Variants in UBA3 observed in about 807,000 individuals in gnomAD.
UBA3 encodes the protein ubiquitin like modifier activating enzyme 3.
A neutral mutation model predicts 73.5 loss-of-function variants in UBA3; 26 were observed. That is an observed-to-expected ratio of 0.35 (90% confidence interval 0.26 to 0.49). The LOEUF is 0.49. Among genes scored for constraint, UBA3 ranks in the 20% least tolerant of loss-of-function variants. The pLI, the probability that UBA3 is intolerant of heterozygous loss-of-function variation, is 0.98. For synonymous variants in UBA3, 217 were observed against 191.2 expected, an observed-to-expected ratio of 1.13 and a Z score of -1.11; for missense variants, 495 against 555.6, an observed-to-expected ratio of 0.89 and a Z score of 1.10.
chr3:69,073,306 G>T (rs938489007), intron 4 of UBA3, among the ~76,000 whole-genome samples: 3 of 152,188 alleles, frequency 2.0e-5, no homozygotes, highest in African/African-American at 2.4e-5. Flanking sequence ...CTCTAGCGAT[G>T]ATAGCCTCCT....
rs71618260 is a variant in UBA3, at chr3:69,066,443, T to TG, written c.428+1484dup. On this transcript the variant is annotated intron_variant, in intron 6 of 17. Coordinates refer to ENST00000361055, the MANE Select transcript of UBA3 (RefSeq NM_003968.4). Reference sequence around the variant, plus strand: ...AGTTCTATCGTTTTATGGTTTTTTGTGTTTTTTTTTGTTTTTTTGAGATGG... The same window carrying TG: ...AGTTCTATCGTTTTATGGTTTTTTGTGGTTTTTTTTTGTTTTTTTGAGATGG... 4.1e-3 allele frequency among the ~76,000 whole-genome samples: 509 copies of TG among 123,132 alleles called. 4 individuals carry two copies. The highest frequency in any genetic ancestry group is 0.016 in the Middle Eastern group (4 of 256). The allele number at this position is 123,132 out of a possible 152,430, so 80.8% of individuals were successfully genotyped here.
chr3:69,064,227 T>G (rs1369350371), intron 6 of UBA3, 116 bp from the exon 7 acceptor site: 1 of 798,306 alleles, frequency 1.3e-6, no homozygotes, highest in Non-Finnish European at 1.9e-6. Flanking sequence ...TAATCAATGT[T>G]CACATCAGTG....
chr3:69,075,584 A>C, intron 3 of UBA3, 74 bp from the exon 4 acceptor site: 1 of 861,668 alleles, frequency 1.2e-6, no homozygotes, highest in Non-Finnish European at 1.6e-6. Flanking sequence ...ACAAACTTTA[A>C]AATAGTTTCT....
At chr3:69,074,269 T>A (rs2092146076) in intron 4 of UBA3, among the ~76,000 whole-genome samples, 1 of 152,180 alleles carries the variant, frequency 6.6e-6, no homozygotes, top group Non-Finnish European at 1.5e-5. Flanking sequence ...CTTCTCTAAG[T>A]CTTTGGTTCT....
intron 5 of UBA3, among the ~76,000 whole-genome samples, chr3:69,069,020 T>G (rs763001999): frequency 2.6e-5 from 4 of 152,218 alleles, no homozygotes; most frequent in Non-Finnish European, 4.4e-5. Flanking sequence ...ATGAATTTCC[T>G]CCTCTAAGTT....
chr3:69,074,283 A>G (rs1046415321), intron 4 of UBA3, among the ~76,000 whole-genome samples: 3 of 152,148 alleles, frequency 2.0e-5, no homozygotes, highest in Non-Finnish European at 4.4e-5. Context: ...TGGTTCTCAC[A>G]CTGCTAGAGT....
chr3:69,075,460 G>T lies in UBA3; in HGVS notation c.234C>A (p.Gly78=), dbSNP rs144285335. 1.3e-6 allele frequency: 2 copies of T among 1,562,116 alleles called. No homozygotes were observed. The highest frequency in any genetic ancestry group is 1.7e-6 in the Non-Finnish European group (2 of 1,156,320). ...TTTTCAGGAGCTCACATCCTAAGCC[G>T]CCAGCTCCAATGACTAGAACTTTAC... ...DTCKVLVIGA[G]GLGCELLKNL... The change falls in exon 4 of 18, where the codon GGC becomes GGA. Residue 78 remains glycine, a synonymous_variant. Transcript: ENST00000361055.
chr3:69,059,493 T>G (rs953648498), intron 11 of UBA3, among the ~76,000 whole-genome samples: 5 of 152,058 alleles, frequency 3.3e-5, no homozygotes, highest in Non-Finnish European at 7.4e-5. Context: ...GGTTGAATGA[T>G]TAGGAAAACT....
intron 4 of UBA3, among the ~76,000 whole-genome samples, chr3:69,072,926 T>C (rs2092132867): frequency 6.6e-6 from 1 of 152,178 alleles, no homozygotes. Flanking sequence ...CATCAGCTAA[T>C]CCTGTTGATT....
At chr3:69,058,970 C>T (rs569176315) in intron 11 of UBA3, among the ~76,000 whole-genome samples, 1 of 152,298 alleles carries the variant, frequency 6.6e-6, no homozygotes, top group African/African-American at 2.4e-5. Flanking sequence ...GGGGAGTTTA[C>T]AGTTTCTGGT....
chr3:69,077,107 CTT>C (rs80255626), intron 3 of UBA3, among the ~76,000 whole-genome samples: 5 of 139,222 alleles, frequency 3.6e-5, no homozygotes, highest in Admixed American at 7.2e-5. Flanking sequence ...AATTCTTTTT[CTT>C]TTTTTTTTTT....
At chr3:69,060,675 C>G (rs1231714671) in intron 11 of UBA3, among the ~76,000 whole-genome samples, 1 of 152,148 alleles carries the variant, frequency 6.6e-6, no homozygotes, top group Non-Finnish European at 1.5e-5. Flanking sequence ...ATATCTGTCC[C>G]CTCCAAATCT....
intron 11 of UBA3, chr3:69,061,447 G>C: frequency 6.3e-6 from 1 of 158,870 alleles, no homozygotes; most frequent in South Asian, 1.9e-4. Flanking sequence ...CGCCTGCCTC[G>C]GCCTCCCGAA....
chr3:69,057,494 C>A (rs556653819), intron 11 of UBA3, among the ~76,000 whole-genome samples, 185 bp from the exon 12 acceptor site: 15 of 152,294 alleles, frequency 9.8e-5, no homozygotes, highest in African/African-American at 3.4e-4. Context: ...AATTCAGAAT[C>A]TTAAGCTACA....
intron 11 of UBA3, 34 bp downstream of exon 11, chr3:69,061,780 C>A: frequency 1.4e-6 from 2 of 1,416,378 alleles, no homozygotes; most frequent in Non-Finnish European, 2.0e-6. Context: ...TAAGTCATCC[C>A]AACATCATAA....
chr3:69,078,786 T>A (rs1299355151), intron 2 of UBA3, among the ~76,000 whole-genome samples: 2 of 152,200 alleles, frequency 1.3e-5, no homozygotes, highest in Non-Finnish European at 2.9e-5. Flanking sequence ...GTCTTAATTT[T>A]TTAAAGAATC....
chr3:69,073,497 C>G (rs2092138418), intron 4 of UBA3, among the ~76,000 whole-genome samples: 1 of 152,196 alleles, frequency 6.6e-6, no homozygotes, highest in African/African-American at 2.4e-5. Context: ...CTTACTTTTT[C>G]ATTCAACTAA....
intron 1 of UBA3, 60 bp downstream of exon 1, chr3:69,080,274 C>A: frequency 6.3e-7 from 1 of 1,591,758 alleles, no homozygotes; most frequent in South Asian, 1.1e-5. Flanking sequence ...CAACCGCCCA[C>A]CGCCGCGCTC....
In UBA3 at chr3:69,056,651, T is replaced by C. The variant is rs1181108519; in HGVS notation, c.1044A>G (p.Val348=). The change falls in exon 14 of 18, where the codon GTA becomes GTG. Residue 348 remains valine, a synonymous_variant. Coordinates refer to ENST00000361055, the MANE Select transcript of UBA3 (RefSeq NM_003968.4). ...CAAATGTGTATGTATACAGCCCATC[T>C]ACATCATTAAACACCAAGTAATTAT... ...PLNNYLVFND[V]DGLYTYTFEA... 1 of 1,613,320 alleles carries C rather than the reference T, an allele frequency of 6.2e-7. No individual in the cohort carries two copies. Among genetic ancestry groups the C allele is most frequent in the Non-Finnish European group, 8.5e-7 (1 of 1,179,558 alleles).
Sources: allele counts gnomAD v4.1 joint callset (sites outside exome capture counted in the v4.1 genomes callset), GRCh38; gene constraint gnomAD v4.1.1; transcripts MANE v1.5; gene names NCBI Gene and HGNC (gene_info 2026-07-23, HGNC 2026-07-21).